The following PDE1A variants were observed in gnomAD, a reference collection of about 807,000 sequenced individuals.
The protein encoded by PDE1A is dual specificity calcium/calmodulin-dependent 3',5'-cyclic nucleotide phosphodiesterase 1A.
A neutral mutation model predicts 61.7 loss-of-function variants in PDE1A; 35 were observed. The ratio of observed to expected loss-of-function variants is 0.57; its 90% CI spans 0.43 to 0.75. The LOEUF is 0.75. PDE1A is among the 30% of genes least tolerant of loss of function. The probability of loss-of-function intolerance (pLI) is 0.00; values close to 1 mark genes in which losing one functional copy is unlikely to be tolerated. For synonymous variants in PDE1A, 232 were observed against 213.2 expected, an observed-to-expected ratio of 1.09 and a Z score of -0.77; for missense variants, 597 against 630.6, an observed-to-expected ratio of 0.95 and a Z score of 0.57.
At chr2:182,405,045 T>A (rs920146425) in intron 1 of PDE1A, among the ~76,000 whole-genome samples, 3 of 152,232 alleles carry the variant, frequency 2.0e-5, no homozygotes, top group African/African-American at 7.2e-5. Context: ...TACATCAGCA[T>A]CACCACAAAC....
the PDE1A span, among the ~76,000 whole-genome samples, chr2:182,643,267 C>A: frequency 6.6e-6 from 1 of 152,210 alleles, no homozygotes; most frequent in African/African-American, 2.4e-5. Context: ...GAGTATAGTT[C>A]TCATTTTATA....
At chr2:182,209,599 G>A (rs560781109) in intron 7 of PDE1A, among the ~76,000 whole-genome samples, 30 of 151,796 alleles carry the variant, frequency 2.0e-4, no homozygotes, top group Admixed American at 1.9e-3. Context: ...GAGGGACCTG[G>A]TAGGAGGTGA....
chr2:182,488,058 A>T (rs781468180), intron 2 of PDE1A, among the ~76,000 whole-genome samples: 35 of 152,342 alleles, frequency 2.3e-4, no homozygotes, highest in Non-Finnish European at 4.4e-4. Context: ...ACAAAAAAGT[A>T]TAAGTTGAAT....
At chr2:182,194,594 A>G (rs1328473190) in intron 10 of PDE1A, among the ~76,000 whole-genome samples, 1 of 152,106 alleles carries the variant, frequency 6.6e-6, no homozygotes, top group Non-Finnish European at 1.5e-5. Flanking sequence ...AGAGTCAGAA[A>G]TCAGCGTTTC....
intron 10 of PDE1A, among the ~76,000 whole-genome samples, chr2:182,199,112 T>TAAG (rs1186677104): frequency 6.6e-6 from 1 of 151,992 alleles, no homozygotes; most frequent in African/African-American, 2.4e-5. Flanking sequence ...CAATTTCATC[T>TAAG]AAGTTTTCAA....
chr2:182,475,884 G>T (rs143921576), intron 2 of PDE1A, among the ~76,000 whole-genome samples: 1 of 151,860 alleles, frequency 6.6e-6, no homozygotes, highest in African/African-American at 2.4e-5. Flanking sequence ...TGGTTTCTGA[G>T]ATAACATAGT....
At chr2:182,587,918 T>G in the PDE1A span, among the ~76,000 whole-genome samples, 3 of 152,194 alleles carry the variant, frequency 2.0e-5, no homozygotes, top group Admixed American at 2.0e-4. Flanking sequence ...AGAAAACAAC[T>G]TGATGTGACT....
At chr2:182,446,990 C>T (rs765391376) in intron 2 of PDE1A, among the ~76,000 whole-genome samples, 7 of 151,208 alleles carry the variant, frequency 4.6e-5, no homozygotes, top group Admixed American at 4.0e-4. Context: ...ACATAGTAAA[C>T]CTGCACAAAA....
the PDE1A span, among the ~76,000 whole-genome samples, chr2:182,610,023 G>A: frequency 1.3e-5 from 2 of 151,880 alleles, no homozygotes; most frequent in Non-Finnish European, 2.9e-5. Flanking sequence ...AGGAGGCGGA[G>A]GTTGCAGTGA....
At chr2:182,590,318 G>A in the PDE1A span, among the ~76,000 whole-genome samples, 11 of 152,012 alleles carry the variant, frequency 7.2e-5, no homozygotes, top group Admixed American at 2.6e-4. Flanking sequence ...AAATTTAAAA[G>A]TTAGCCAGGC....
the PDE1A span, among the ~76,000 whole-genome samples, chr2:182,579,876 CAACA>C: frequency 2.9e-3 from 439 of 152,212 alleles, 3 homozygotes; most frequent in Non-Finnish European, 4.3e-3. Context: ...TCCATGAGAA[CAACA>C]AACAGTGAAA....
At chr2:182,160,157 G>A (rs967059750) in intron 13 of PDE1A, among the ~76,000 whole-genome samples, 1 of 152,180 alleles carries the variant, frequency 6.6e-6, no homozygotes, top group African/African-American at 2.4e-5. Context: ...AATTGAAAAA[G>A]ATAGTCTAGT....
chr2:182,382,002 T>C (rs982352465), intron 1 of PDE1A, among the ~76,000 whole-genome samples: 4 of 152,086 alleles, frequency 2.6e-5, no homozygotes, highest in Admixed American at 2.6e-4. Flanking sequence ...TTTGCAGTAT[T>C]TATATTATGT....
intron 2 of PDE1A, among the ~76,000 whole-genome samples, chr2:182,460,447 C>G (rs937408020): frequency 1.3e-5 from 2 of 152,136 alleles, no homozygotes; most frequent in African/African-American, 4.8e-5. Context: ...CTATGTTTCC[C>G]AGGCTTGCCT....
intron 2 of PDE1A, among the ~76,000 whole-genome samples, chr2:182,263,767 TC>T (rs1174607142): frequency 6.6e-6 from 1 of 152,132 alleles, no homozygotes; most frequent in Non-Finnish European, 1.5e-5. Context: ...TTCAAATAAG[TC>T]CCCCTTTCCT....
the PDE1A span, among the ~76,000 whole-genome samples, chr2:182,532,038 T>A: frequency 6.6e-6 from 1 of 152,180 alleles, no homozygotes. Context: ...CTCATTCTTT[T>A]TTGTGGCTGC....
At chr2:182,166,965 A>C (rs189497841), downstream of PDE1A, among the ~76,000 whole-genome samples, 27 of 152,300 alleles carry the variant, frequency 1.8e-4, no homozygotes, top group African/African-American at 5.8e-4. Flanking sequence ...TTTTCCAAAA[A>C]GAAATAACTT....
At chr2:182,264,369 G>C in exon 2 of PDE1A, 1 of 1,613,586 alleles carries the variant, frequency 6.2e-7, no homozygotes, top group Middle Eastern at 1.7e-4. Flanking sequence ...TTAAGTCGAC[G>C]ACGTTAACAT....
intron 1 of PDE1A, among the ~76,000 whole-genome samples, chr2:182,332,913 A>T (rs2124963030): frequency 6.6e-6 from 1 of 152,206 alleles, no homozygotes; most frequent in Admixed American, 6.5e-5. Flanking sequence ...AAGACAAAAA[A>T]AAGCAGGGAT....
Sources: gnomAD v4.1 joint callset for allele counts (sites outside exome capture counted in the v4.1 genomes callset) on GRCh38, gnomAD v4.1.1 for gene constraint, MANE v1.5 for transcripts, NCBI Gene and HGNC (gene_info 2026-07-23, HGNC 2026-07-21) for gene names.